The following COL21A1 variants were observed in gnomAD, a reference collection of about 807,000 sequenced individuals.
The protein encoded by COL21A1 is collagen type XXI alpha 1 chain.
A neutral mutation model predicts 137.9 loss-of-function variants in COL21A1; 149 were observed. The observed-to-expected ratio is 1.08, with a 90% CI of 0.95 to 1.24. COL21A1 has a LOEUF of 1.24. Among genes scored for constraint, COL21A1 ranks in the 50% most tolerant of loss-of-function variants. COL21A1 has a pLI of 0.00. For synonymous variants in COL21A1, 456 were observed against 391.5 expected, an observed-to-expected ratio of 1.16 and a Z score of -1.95; for missense variants, 1,167 against 1,158.4, an observed-to-expected ratio of 1.01 and a Z score of -0.11.
At chr6:56,236,566 C>T (rs180692909) in intron 1 of COL21A1, among the ~76,000 whole-genome samples, 25 of 152,112 alleles carry the variant, frequency 1.6e-4, no homozygotes, top group African/African-American at 6.0e-4. Flanking sequence ...CTGAAGCATG[C>T]TTCAAAAGGC....
intron 1 of COL21A1, among the ~76,000 whole-genome samples, chr6:56,348,107 T>C (rs185256991): frequency 3.9e-5 from 6 of 152,288 alleles, no homozygotes; most frequent in Admixed American, 3.9e-4. Flanking sequence ...GCCCTCTTCA[T>C]TCATTCATTT....
At chr6:56,171,488 C>G (rs3846921) in intron 3 of COL21A1, among the ~76,000 whole-genome samples, 118,513 of 151,826 alleles carry the variant, frequency 0.78, 47,156 homozygotes, top group African/African-American at 0.93. Context: ...CAGGATTTAT[C>G]ATTCTCATCC....
chr6:56,226,222 T>C (rs1781181175), intron 1 of COL21A1, among the ~76,000 whole-genome samples: 2 of 151,966 alleles, frequency 1.3e-5, no homozygotes, highest in Admixed American at 1.3e-4. Flanking sequence ...GCTTTTACAG[T>C]CAGGTGTATA....
intron 10 of COL21A1, among the ~76,000 whole-genome samples, chr6:56,143,101 T>C (rs1324212768): frequency 6.6e-6 from 1 of 152,196 alleles, no homozygotes; most frequent in African/African-American, 2.4e-5. Flanking sequence ...AAGATCAGTC[T>C]TATTGTTTTT....
At chr6:56,168,450 G>T (rs1402944082) in intron 5 of COL21A1, among the ~76,000 whole-genome samples, 153 bp from the exon 6 acceptor site, 1 of 152,014 alleles carries the variant, frequency 6.6e-6, no homozygotes, top group African/African-American at 2.4e-5. Context: ...ATCCAAGGTG[G>T]ACCTCATATG....
intron 1 of COL21A1, among the ~76,000 whole-genome samples, chr6:56,330,388 C>A (rs1006874267): frequency 1.3e-5 from 2 of 152,024 alleles, no homozygotes; most frequent in African/African-American, 4.8e-5. Flanking sequence ...TTATGTAAAT[C>A]ATCAATAAAA....
At chr6:56,098,586 AATATATAAATATATATATAAAT>A (rs1770006975) in intron 17 of COL21A1, among the ~76,000 whole-genome samples, 3 of 7,948 alleles carry the variant, frequency 3.8e-4, no homozygotes, top group South Asian at 7.6e-3. Context: ...AATATATATA[AATATATAAATATATATATAAAT>A]ATATATAAAT....
At chr6:56,295,029 C>G (rs934642679) in intron 1 of COL21A1, among the ~76,000 whole-genome samples, 2 of 151,912 alleles carry the variant, frequency 1.3e-5, no homozygotes, top group East Asian at 1.9e-4. Context: ...AAGAGTTTCT[C>G]CTGTGTTATC....
At chr6:56,157,764 G>GTGTGTTGC (rs1775868004) in intron 9 of COL21A1, among the ~76,000 whole-genome samples, 1 of 152,196 alleles carries the variant, frequency 6.6e-6, no homozygotes, top group African/African-American at 2.4e-5. Context: ...AATCCTGTAA[G>GTGTGTTGC]TGTGTTGCTG....
At chr6:56,098,419 A>G (rs1426992748) in intron 17 of COL21A1, among the ~76,000 whole-genome samples, 1 of 7,202 alleles carries the variant, frequency 1.4e-4, no homozygotes, top group Non-Finnish European at 2.0e-4. Context: ...ATATAAATAT[A>G]TAAATATATA....
chr6:56,090,585 A>T (rs1272910967), intron 17 of COL21A1, among the ~76,000 whole-genome samples: 1 of 152,212 alleles, frequency 6.6e-6, no homozygotes, highest in Non-Finnish European at 1.5e-5. Flanking sequence ...TCCTACAGAT[A>T]AACTGAGCAT....
In COL21A1 at chr6:56,360,543, A is replaced by G. The variant is rs567847185; in HGVS notation, c.-39+33428T>C. ...ATGGAATAATGCAATAGCAACAGGT[A>G]AAAACGTTTTTGCAAAAAGTTGCCA... On this transcript the variant is annotated intron_variant, in intron 1 of 28. Coordinates refer to the COL21A1 transcript ENST00000370819. 9.2e-5 allele frequency among the ~76,000 whole-genome samples: 14 copies of G among 152,340 alleles called. No individual in the cohort carries two copies. The South Asian group carries it at 1.5e-3, about 16-fold the overall frequency.
chr6:56,335,777 C>T (rs527558773), intron 1 of COL21A1, among the ~76,000 whole-genome samples: 1 of 152,284 alleles, frequency 6.6e-6, no homozygotes, highest in African/African-American at 2.4e-5. Flanking sequence ...TTTATTTATT[C>T]CCACAACTGT....
At chr6:56,089,514 CA>C (rs201534159) in intron 17 of COL21A1, among the ~76,000 whole-genome samples, 3 of 152,020 alleles carry the variant, frequency 2.0e-5, no homozygotes, top group African/African-American at 4.8e-5. Context: ...CAAAACGTTC[CA>C]AAAAAATTTT....
Sources: allele counts gnomAD v4.1 joint callset (sites outside exome capture counted in the v4.1 genomes callset), GRCh38; gene constraint gnomAD v4.1.1; transcripts MANE v1.5; gene names NCBI Gene and HGNC (gene_info 2026-07-23, HGNC 2026-07-21).